Variants in PPP3CB observed in about 807,000 individuals in gnomAD.
PPP3CB encodes serine/threonine-protein phosphatase 2B catalytic subunit beta isoform.
Under a neutral mutation model 66.4 loss-of-function variants are expected in PPP3CB, and 8 were observed. That is an observed-to-expected ratio of 0.12 (90% CI 0.07 to 0.22). The LOEUF is 0.22. Ranked by LOEUF, PPP3CB falls within the 10% of genes least tolerant of loss-of-function variation. PPP3CB has a pLI of 1.00. For synonymous variants in PPP3CB, 208 were observed against 221.2 expected, an observed-to-expected ratio of 0.94 and a Z score of 0.53; for missense variants, 319 against 642.5, an observed-to-expected ratio of 0.50 and a Z score of 5.44.
intron 12 of PPP3CB, among the ~76,000 whole-genome samples, chr10:73,442,171 T>C (rs1196672760): frequency 1.3e-5 from 2 of 152,180 alleles, no homozygotes; most frequent in Admixed American, 1.3e-4. Flanking sequence ...CTAGAAGCTA[T>C]CTAGTTTAAG....
intron 1 of PPP3CB, 119 bp from the exon 2 acceptor site, chr10:73,479,636 T>C: frequency 2.1e-6 from 2 of 942,132 alleles, no homozygotes; most frequent in South Asian, 3.8e-5. Flanking sequence ...TTCTTCTTCA[T>C]TTATTGGGTA....
At chr10:73,443,288 G>GAAAGAAAGAAAGAA (rs2056188351) in intron 12 of PPP3CB, among the ~76,000 whole-genome samples, 1 of 98,244 alleles carries the variant, frequency 1.0e-5, no homozygotes, top group Non-Finnish European at 2.0e-5. Flanking sequence ...AAGAAAGACA[G>GAAAGAAAGAAAGAA]AAAGAAAGAA....
intron 9 of PPP3CB, among the ~76,000 whole-genome samples, chr10:73,461,430 C>T: frequency 6.6e-6 from 1 of 151,624 alleles, no homozygotes; most frequent in Non-Finnish European, 1.5e-5. Flanking sequence ...CTGGGCGCAA[C>T]AGAGCAAGAT....
At chr10:73,467,939 TTG>T (rs2056644888) in intron 8 of PPP3CB, among the ~76,000 whole-genome samples, 1 of 152,196 alleles carries the variant, frequency 6.6e-6, no homozygotes, top group Non-Finnish European at 1.5e-5. Context: ...TCCAGAATGT[TTG>T]TTTTACTTTA....
intron 1 of PPP3CB, among the ~76,000 whole-genome samples, chr10:73,490,779 CTT>C (rs1383938841): frequency 3.3e-5 from 5 of 152,096 alleles, no homozygotes; most frequent in African/African-American, 1.2e-4. Flanking sequence ...TTCTCTCTCT[CTT>C]TCTGTTCCTT....
chr10:73,464,856 G>A (rs1333760222), intron 9 of PPP3CB, among the ~76,000 whole-genome samples: 2 of 151,854 alleles, frequency 1.3e-5, no homozygotes, highest in Non-Finnish European at 2.9e-5. Flanking sequence ...ACTTAAACCC[G>A]GGGGATGGAC....
At chr10:73,473,729 C>T (rs975788985) in intron 4 of PPP3CB, among the ~76,000 whole-genome samples, 1 of 151,974 alleles carries the variant, frequency 6.6e-6, no homozygotes, top group Admixed American at 6.5e-5. Flanking sequence ...TGTTCTGTAA[C>T]ATATGGTTAC....
At chr10:73,474,568 G>A (rs1005678202) in intron 4 of PPP3CB, among the ~76,000 whole-genome samples, 1 of 151,594 alleles carries the variant, frequency 6.6e-6, no homozygotes, top group African/African-American at 2.4e-5. Context: ...GAGCAGCTGG[G>A]ACTACAAGAG....
rs139659278 is a variant in PPP3CB, at chr10:73,454,481, T to C, written c.1117A>G (p.Met373Val). Reference protein sequence around the residue: ...LPFVGEKVTEMLVNVLSICSD... With the variant: ...LPFVGEKVTEVLVNVLSICSD... ...CAAATACTCAGAACATTTACCAACATTTCTGTCACTATTTGGGAAAAAAAA... is the reference window on the plus strand; with the variant it reads ...CAAATACTCAGAACATTTACCAACACTTCTGTCACTATTTGGGAAAAAAAA... Residue 373 changes from methionine (M) to valine (V), a missense_variant, in exon 10 of 14, where the codon ATG becomes GTG. This residue lies in a region of PPP3CB where 120 missense variants were observed against 331.2 expected (regional missense o/e 0.36). Coordinates refer to ENST00000360663, the MANE Select transcript of PPP3CB (RefSeq NM_021132.4). 7 of 1,611,898 alleles carry C rather than the reference T, an allele frequency of 4.3e-6. No homozygotes were observed. The highest frequency in any genetic ancestry group is 4.0e-5 in the African/African-American group (3 of 74,850).
chr10:73,464,383 C>A (rs1049809490), intron 9 of PPP3CB, among the ~76,000 whole-genome samples: 1 of 151,926 alleles, frequency 6.6e-6, no homozygotes, highest in East Asian at 1.9e-4. Context: ...TTCCTTGGTA[C>A]CTTGAATAAA....
chr10:73,463,102 A>G (rs1023867376), intron 9 of PPP3CB, among the ~76,000 whole-genome samples: 7 of 152,092 alleles, frequency 4.6e-5, no homozygotes, highest in African/African-American at 1.7e-4. Flanking sequence ...CACTATCTTC[A>G]CCAGACTCAA....
At chr10:73,440,700 C>T (rs747442894) in intron 12 of PPP3CB, among the ~76,000 whole-genome samples, 5 of 152,180 alleles carry the variant, frequency 3.3e-5, no homozygotes, top group African/African-American at 4.8e-5. Context: ...AAAAAGACTA[C>T]TGAGCATCTT....
In PPP3CB at chr10:73,487,983, G is replaced by A. The variant is rs565312235; in HGVS notation, c.85+7822C>T. Among the ~76,000 whole-genome samples the A allele has an allele frequency of 7.2e-5, 11 of 151,928 alleles. No individual in the cohort carries two copies. The East Asian group carries it at 1.7e-3, about 24-fold the overall frequency. The stretch of plus-strand genomic sequence containing the variant: ...TTTAATAGAGACGGGGTTTCACCAT[G>A]TTGGCCAGGCTGGTCTCGAACATAT... On this transcript the variant is annotated intron_variant, in intron 1 of 13. Coordinates refer to ENST00000360663, the MANE Select transcript of PPP3CB (RefSeq NM_021132.4).
chr10:73,448,109 A>C (rs571009399), intron 10 of PPP3CB, among the ~76,000 whole-genome samples: 2 of 152,272 alleles, frequency 1.3e-5, no homozygotes, highest in Non-Finnish European at 2.9e-5. Context: ...AATTGACAGA[A>C]TTTTAAAGTA....
At position 73,439,774 on chromosome 10, in the gene PPP3CB, G is replaced by T. The variant is rs1176077950; in HGVS notation, c.1396+98C>A. 11 of 1,338,932 alleles carry T rather than the reference G, an allele frequency of 8.2e-6. No homozygotes were observed. In the Admixed American group the frequency reaches 1.7e-4, roughly 21 times the overall value. The allele number at this position is 1,338,932 out of a possible 1,614,324, so 82.9% of individuals were successfully genotyped here. On this transcript the variant is annotated intron_variant, in intron 13 of 13. Transcript: ENST00000360663. ...GAATCAGTGAGTCTGATTCATCTTG[G>T]GCTGTAAAAGCTAGGAGTAAAACAC...
At chr10:73,471,732 T>C in intron 4 of PPP3CB, 119 bp from the exon 5 acceptor site, 1 of 756,636 alleles carries the variant, frequency 1.3e-6, no homozygotes, top group Non-Finnish European at 2.0e-6. Context: ...CTTATAGCTA[T>C]TTATAATGAA....
intron 11 of PPP3CB, 92 bp downstream of exon 11, chr10:73,446,400 C>G (rs2056255420): frequency 8.2e-7 from 1 of 1,217,784 alleles, no homozygotes; most frequent in Non-Finnish European, 1.2e-6. Context: ...ATACCCGGCC[C>G]CATTTTGCTT....
At chr10:73,478,671 C>A in intron 2 of PPP3CB, 48 bp from the exon 3 acceptor site, 1 of 1,535,772 alleles carries the variant, frequency 6.5e-7, no homozygotes, top group Non-Finnish European at 8.9e-7. Flanking sequence ...TCTAAAACAA[C>A]AAATTTTACT....
intron 9 of PPP3CB, among the ~76,000 whole-genome samples, chr10:73,457,376 C>A (rs1437570615): frequency 6.8e-6 from 1 of 147,998 alleles, no homozygotes. Flanking sequence ...TTTGAGATTG[C>A]AGTGAGTTAC....
Sources: allele counts gnomAD v4.1 joint callset (sites outside exome capture counted in the v4.1 genomes callset), GRCh38; gene constraint gnomAD v4.1.1; regional missense constraint gnomAD v4.1.1; transcripts MANE v1.5; gene names NCBI Gene and HGNC (gene_info 2026-07-23, HGNC 2026-07-21).